Variants in NELL1 observed in about 807,000 individuals in gnomAD.
NELL1 encodes the protein neural EGFL like 1, also known as protein kinase C-binding protein NELL1.
A neutral mutation model predicts 107.4 loss-of-function variants in NELL1; 76 were observed. That is an observed-to-expected ratio of 0.71 (90% CI 0.59 to 0.86). The LOEUF (loss-of-function observed/expected upper bound fraction) is 0.86, where lower values mean the gene tolerates loss of function less well. Ranked by LOEUF, NELL1 falls within the 40% of genes least tolerant of loss-of-function variation. The probability of loss-of-function intolerance (pLI) is 0.00; values close to 1 mark genes in which losing one functional copy is unlikely to be tolerated. For synonymous variants in NELL1, 353 were observed against 341.2 expected, an observed-to-expected ratio of 1.03 and a Z score of -0.38; for missense variants, 1,024 against 1,005.5, an observed-to-expected ratio of 1.02 and a Z score of -0.25.
chr11:21,439,421 T>C (rs1385796926), intron 15 of NELL1, among the ~76,000 whole-genome samples: 2 of 152,176 alleles, frequency 1.3e-5, no homozygotes, highest in African/African-American at 4.8e-5. Flanking sequence ...CTTCTGATTA[T>C]GCAGAAGCAG....
chr11:21,388,910 C>A (rs1211671758), intron 15 of NELL1, among the ~76,000 whole-genome samples: 1 of 151,676 alleles, frequency 6.6e-6, no homozygotes, highest in Admixed American at 6.6e-5. Context: ...TTCATGTATA[C>A]CTATAGATCC....
At chr11:20,780,153 T>C (rs1027355128) in intron 2 of NELL1, among the ~76,000 whole-genome samples, 1 of 152,188 alleles carries the variant, frequency 6.6e-6, no homozygotes, top group Non-Finnish European at 1.5e-5. Context: ...GTGCCAATCA[T>C]TTTTAAAAAG....
At chr11:21,399,959 T>G (rs547165954) in intron 15 of NELL1, among the ~76,000 whole-genome samples, 1 of 151,990 alleles carries the variant, frequency 6.6e-6, no homozygotes, top group Non-Finnish European at 1.5e-5. Flanking sequence ...TACTTTAATG[T>G]AGCATTACTA....
intron 14 of NELL1, chr11:21,284,439 C>G: frequency 2.2e-6 from 1 of 457,950 alleles, no homozygotes; most frequent in Non-Finnish European, 4.4e-6. Flanking sequence ...AAAGTGATGG[C>G]TGTGCACAAG....
chr11:21,367,023 C>T (rs937403278), intron 14 of NELL1, among the ~76,000 whole-genome samples: 4 of 151,466 alleles, frequency 2.6e-5, no homozygotes, highest in Non-Finnish European at 5.9e-5. Flanking sequence ...CCCCTTAATA[C>T]CCACATTTTA....
chr11:21,342,307 G>T (rs1262054186), intron 14 of NELL1, among the ~76,000 whole-genome samples: 2 of 151,900 alleles, frequency 1.3e-5, no homozygotes, highest in Non-Finnish European at 2.9e-5. Context: ...ACTTTAACAT[G>T]GGTGCAATAG....
At chr11:21,488,233 T>A (rs899386880) in intron 15 of NELL1, among the ~76,000 whole-genome samples, 2 of 152,096 alleles carry the variant, frequency 1.3e-5, no homozygotes, top group African/African-American at 2.4e-5. Context: ...ATTCGTCTCA[T>A]TAACAAATAG....
intron 15 of NELL1, among the ~76,000 whole-genome samples, chr11:21,440,864 A>T (rs1853265160): frequency 6.6e-6 from 1 of 152,112 alleles, no homozygotes; most frequent in Admixed American, 6.5e-5. Context: ...ATGATTGCAA[A>T]CCTGCCTGAG....
At chr11:20,796,651 G>A (rs923780464) in intron 3 of NELL1, among the ~76,000 whole-genome samples, 6 of 152,160 alleles carry the variant, frequency 3.9e-5, no homozygotes, top group African/African-American at 1.2e-4. Flanking sequence ...ACTATGATCC[G>A]AGTAGACCGT....
intron 2 of NELL1, among the ~76,000 whole-genome samples, chr11:20,708,688 G>C (rs1224400973): frequency 6.6e-6 from 1 of 152,048 alleles, no homozygotes; most frequent in East Asian, 1.9e-4. Flanking sequence ...TGTTTACTCT[G>C]CTGGTTATTT....
chr11:21,502,838 G>T (rs1036282729), intron 15 of NELL1, among the ~76,000 whole-genome samples: 5 of 152,112 alleles, frequency 3.3e-5, no homozygotes, highest in Non-Finnish European at 5.9e-5. Context: ...AAAGTTTATA[G>T]AATAATAATT....
At chr11:21,568,911 T>C (rs1857033770) in intron 17 of NELL1, among the ~76,000 whole-genome samples, 1 of 151,470 alleles carries the variant, frequency 6.6e-6, no homozygotes. Context: ...TCTAAAATAA[T>C]GATTAAAAAA....
At chr11:21,235,669 A>G (rs1395461675) in intron 14 of NELL1, among the ~76,000 whole-genome samples, 1 of 152,196 alleles carries the variant, frequency 6.6e-6, no homozygotes, top group Non-Finnish European at 1.5e-5. Context: ...GCGTAAAGAC[A>G]AGATTGATGT....
At chr11:21,382,944 A>G (rs1851645625) in intron 15 of NELL1, among the ~76,000 whole-genome samples, 1 of 151,946 alleles carries the variant, frequency 6.6e-6, no homozygotes, top group Admixed American at 6.6e-5. Context: ...AAATAGGAAG[A>G]AAATCTAGCT....
intron 2 of NELL1, among the ~76,000 whole-genome samples, chr11:20,742,639 C>T (rs549514198): frequency 6.6e-6 from 1 of 152,150 alleles, no homozygotes; most frequent in Non-Finnish European, 1.5e-5. Context: ...TGCAGGAGAA[C>T]TCCTCTTTGT....
At chr11:21,521,957 T>C (rs1855736107) in intron 15 of NELL1, among the ~76,000 whole-genome samples, 1 of 152,210 alleles carries the variant, frequency 6.6e-6, no homozygotes, top group African/African-American at 2.4e-5. Flanking sequence ...ATTGTTTGAT[T>C]AGTTGTTGGG....
intron 2 of NELL1, among the ~76,000 whole-genome samples, chr11:20,711,679 AT>A (rs35121576): frequency 2.6e-5 from 4 of 151,394 alleles, no homozygotes; most frequent in South Asian, 2.1e-4. Flanking sequence ...GCTGATAATT[AT>A]TTTTTTTCAG....
intron 2 of NELL1, among the ~76,000 whole-genome samples, chr11:20,727,764 A>C (rs7121379): frequency 0.12 from 17,742 of 152,066 alleles, 1,152 homozygotes; most frequent in Non-Finnish European, 0.15. Flanking sequence ...ATCTTGAATT[A>C]ATTTTTGTAT....
intron 15 of NELL1, among the ~76,000 whole-genome samples, chr11:21,458,041 G>A (rs1853795107): frequency 1.3e-5 from 2 of 152,026 alleles, no homozygotes; most frequent in African/African-American, 2.4e-5. Context: ...CAAGGCCAAA[G>A]ACTAATCACT....
Sources: allele counts gnomAD v4.1 joint callset (sites outside exome capture counted in the v4.1 genomes callset), GRCh38; gene constraint gnomAD v4.1.1; transcripts MANE v1.5; gene names NCBI Gene and HGNC (gene_info 2026-07-23, HGNC 2026-07-21).